The following HYOU1 variants were observed in gnomAD, a reference collection of about 807,000 sequenced individuals.
The protein encoded by HYOU1 is hypoxia up-regulated 1.
Under a neutral mutation model 120.5 loss-of-function variants are expected in HYOU1, and 40 were observed. That is an observed-to-expected ratio of 0.33 (90% CI 0.26 to 0.43). The LOEUF (loss-of-function observed/expected upper bound fraction) is 0.43. Among genes scored for constraint, HYOU1 ranks in the 20% least tolerant of loss-of-function variants. The pLI, the probability that HYOU1 is intolerant of heterozygous loss-of-function variation, is 1.00. For missense variants in HYOU1, 1,085 were observed against 1,278.3 expected, an observed-to-expected ratio of 0.85 and a Z score of 2.31; for synonymous variants, 501 against 479.4, an observed-to-expected ratio of 1.05 and a Z score of -0.59.
rs1944183789 is a variant in HYOU1 at position 119,047,958 on chromosome 11, G to C, written c.2499C>G (p.Ser833Arg). 6.2e-7 allele frequency: 1 copy of C among 1,614,202 alleles called. No individual in the cohort carries two copies. Among genetic ancestry groups the C allele is most frequent in the East Asian group, 2.2e-5 (1 of 44,884 alleles). Residue 833 changes from serine to arginine, a missense_variant, in exon 21 of 26, where the codon AGC becomes AGG. Around this residue, in one of 4 missense-constraint regions of HYOU1, gnomAD observed 516 missense variants for 517.1 expected, o/e 1.00. Coordinates refer to ENST00000617285, the MANE Select transcript of HYOU1 (RefSeq NM_006389.5). ...SALDNLLNHS[S>R]MFLKGARLIP... ...CAGGGGCTGCTCACTTGAGGAACATGCTGGAATGGTTGAGGAGATTATCGA... is the reference window on the plus strand; with the variant it reads ...CAGGGGCTGCTCACTTGAGGAACATCCTGGAATGGTTGAGGAGATTATCGA...
At chr11:119,050,637 T>C (rs146509781) in intron 14 of HYOU1, among the ~76,000 whole-genome samples, 2,219 of 143,402 alleles carry the variant, frequency 0.015, 56 homozygotes, top group African/African-American at 0.053. Flanking sequence ...GGGAGGATCA[T>C]TTAAGCCCAA....
chr11:119,045,172 C>T lies in HYOU1; in HGVS notation c.*421G>A, dbSNP rs782620376. On this transcript the variant is annotated 3_prime_UTR_variant, in exon 26 of 26. Coordinates refer to ENST00000617285, the MANE Select transcript of HYOU1 (RefSeq NM_006389.5). ...GACACTGGCCTGAAAGGATGCTCATCGCATGGTGGGAGAGGAAGGGAGGGA... is the reference window on the plus strand; with the variant it reads ...GACACTGGCCTGAAAGGATGCTCATTGCATGGTGGGAGAGGAAGGGAGGGA... 15 of 458,448 alleles carry T rather than the reference C, an allele frequency of 3.3e-5. No individual in the cohort carries two copies. Among genetic ancestry groups the T allele is most frequent in the Admixed American group, 1.9e-4 (8 of 42,674 alleles). 28.4% of individuals were successfully genotyped at this position (458,448 alleles called of 1,614,324 possible). A position where few individuals can be genotyped will look rare whatever the true frequency, so the allele number is the denominator to read the frequency against.
chr11:119,045,354 G>A lies in HYOU1; in HGVS notation c.*239C>T, dbSNP rs1480126125. 9 of 669,154 alleles carry A rather than the reference G, an allele frequency of 1.3e-5. No individual in the cohort carries two copies. Among genetic ancestry groups the A allele is most frequent in the Non-Finnish European group, 1.9e-5 (7 of 365,420 alleles). 41.5% of individuals were successfully genotyped at this position (669,154 alleles called of 1,614,324 possible). A position where few individuals can be genotyped will look rare whatever the true frequency, so the allele number is the denominator to read the frequency against. On this transcript the variant is annotated 3_prime_UTR_variant, in exon 26 of 26. Coordinates refer to ENST00000617285, the MANE Select transcript of HYOU1 (RefSeq NM_006389.5). ...TTTCCCAAATTTAGGGCCTATATGG[G>A]TAGGGAACAGGGAGTGGGGCTGGGG... is the stretch of plus-strand genomic sequence containing the variant.
intron 8 of HYOU1, 60 bp downstream of exon 8, chr11:119,054,058 CAAG>C: frequency 9.6e-7 from 1 of 1,038,388 alleles, no homozygotes; most frequent in South Asian, 1.3e-5. Flanking sequence ...GTGTCTCCTC[CAAG>C]AAGAAACCCC....
At chr11:119,047,626 A>G (rs1944161759) in intron 22 of HYOU1, 108 bp downstream of exon 22, 1 of 892,978 alleles carries the variant, frequency 1.1e-6, no homozygotes, top group Admixed American at 1.8e-5. Context: ...TCTTCAGGTT[A>G]GATGCTAAGC....
rs1489071796 is a variant in HYOU1 at position 119,049,109 on chromosome 11, G to A, written c.1901C>T (p.Ser634Phe). 3 of 1,613,944 alleles carry A rather than the reference G, an allele frequency of 1.9e-6. No individual in the cohort carries two copies. Among genetic ancestry groups the A allele is most frequent in the African/African-American group, 1.3e-5 (1 of 74,908 alleles). Reference sequence around the variant, plus strand: ...CTTAGGTTCAGGGGGTGGGGGCTGAGAGCCATCCTCCACTGGGGCCTCAGC... The same window carrying A: ...CTTAGGTTCAGGGGGTGGGGGCTGAAAGCCATCCTCCACTGGGGCCTCAGC... ...EEAEAPVEDG[S>F]QPPPPEPKGD... Residue 634 changes from serine (S) to phenylalanine (F), a missense_variant, in exon 17 of 26, where the codon TCT becomes TTT. This residue lies in a region of HYOU1 where 516 missense variants were observed against 517.1 expected (regional missense o/e 1.00). Coordinates refer to ENST00000617285, the MANE Select transcript of HYOU1 (RefSeq NM_006389.5).
At position 119,052,320 on chromosome 11, in the gene HYOU1, G is replaced by A. The variant is rs904478784; in HGVS notation, c.1097C>T (p.Ala366Val). The change falls in exon 10 of 26, where the codon GCC becomes GTC. Residue 366 changes from alanine to valine, a missense_variant. Physicochemically the swap from Ala to Val is moderately conservative, Grantham distance 64. Coordinates refer to ENST00000617285, the MANE Select transcript of HYOU1 (RefSeq NM_006389.5). This position sits in a 1 kb window ranked among gnomAD's most constrained non-coding sequence, Gnocchi z 5.0. ...CAGACTCATTTCGGCACTCTGGAGG[G>A]CCTGCTGTACAGGCCCAGGCACCCG... ...FERVPGPVQQALQSAEMSLDE... is the reference protein window; with the variant it reads ...FERVPGPVQQVLQSAEMSLDE... 2 of 1,614,078 alleles carry A rather than the reference G, an allele frequency of 1.2e-6. No homozygotes were observed. Among genetic ancestry groups the A allele is most frequent in the Non-Finnish European group, 1.7e-6 (2 of 1,180,046 alleles).
chr11:119,052,275 GC>G lies in HYOU1; in HGVS notation c.1122+19del. On this transcript the variant is annotated intron_variant, in intron 10 of 25. Transcript: ENST00000617285. This position sits in a 1 kb window ranked among gnomAD's most constrained non-coding sequence, Gnocchi z 5.0. ...ATGCCCTTTCCTACGGGGCATTCCCGCCTTCCCCTACTCGCTCACCAGACTC... is the reference window on the plus strand; with the variant it reads ...ATGCCCTTTCCTACGGGGCATTCCCGCTTCCCCTACTCGCTCACCAGACTC... The G allele has an allele frequency of 6.2e-7, 1 of 1,614,072 alleles. No individual in the cohort carries two copies. Among genetic ancestry groups the G allele is most frequent in the Non-Finnish European group, 8.5e-7 (1 of 1,179,988 alleles).
At chr11:119,056,450 T>C (rs1944771755) in intron 1 of HYOU1, 1 of 512,186 alleles carries the variant, frequency 2.0e-6, no homozygotes, top group Non-Finnish European at 3.8e-6. Context: ...GACCCGAGCC[T>C]TTTGTCCACC....
In HYOU1 at chr11:119,056,126, C is replaced by T; in HGVS notation, c.35G>A (p.Arg12Lys). 1 of 1,614,110 alleles carries T rather than the reference C, an allele frequency of 6.2e-7. No homozygotes were observed. The highest frequency in any genetic ancestry group is 1.1e-5 in the South Asian group (1 of 91,080). ...AGCCACCAAGGCCCAACAGACTCGC[C>T]TCCTCGGCCTCTGCCTCCTAACTTT... ...ADKVRRQRPR[R>K]RVCWALVAVL... is the part of the protein sequence containing the mutation. Residue 12 changes from arginine to lysine, a missense_variant, in exon 2 of 26, where the codon AGG (arginine) becomes AAG (lysine). Arg to Lys is a conservative substitution (Grantham distance 26). This residue lies in a region of HYOU1 where 45 missense variants were observed against 49.2 expected (regional missense o/e 0.91). Transcript: ENST00000617285.
intron 8 of HYOU1, chr11:119,053,646 A>T (rs1944581208): frequency 6.5e-6 from 1 of 153,176 alleles, no homozygotes; most frequent in East Asian, 1.9e-4. Flanking sequence ...TTAATTCTGC[A>T]AATAAGAGGT....
rs953296689 is a variant in HYOU1 at position 119,045,650 on chromosome 11, A to G, written c.2943T>C (p.Pro981=). The G allele has an allele frequency of 1.9e-6, 3 of 1,614,036 alleles. No homozygotes were observed. Among genetic ancestry groups the G allele is most frequent in the African/African-American group, 2.7e-5 (2 of 74,904 alleles). Reference sequence around the variant, plus strand: ...GTCCTGTCGATTGTTCTTTCTGTTCAGGTTCTGTTGGGAGTTTGGGGGAGC... The same window carrying G: ...GTCCTGTCGATTGTTCTTTCTGTTCGGGTTCTGTTGGGAGTTTGGGGGAGC... ...PLELGGPGAE[P]EQKEQSTGQK... Residue 981 remains proline, a synonymous_variant, in exon 26 of 26, where the codon CCT becomes CCC. Coordinates refer to ENST00000617285, the MANE Select transcript of HYOU1 (RefSeq NM_006389.5).
chr11:119,047,877 G>C, intron 21 of HYOU1, 59 bp from the exon 22 acceptor site: 1 of 1,613,160 alleles, frequency 6.2e-7, no homozygotes, highest in East Asian at 2.2e-5. Context: ...AGTGTGGGGA[G>C]TGGGAAGCTG....
In HYOU1 at chr11:119,055,716, C is replaced by G; in HGVS notation, c.185+34G>C. On this transcript the variant is annotated intron_variant, in intron 3 of 25. Transcript: ENST00000617285. This position sits in a 1 kb window ranked among gnomAD's most constrained non-coding sequence, Gnocchi z 4.0. ...TTCACACTTGGAGCCCAGACTCCCT[C>G]GTTCCCCACCCTTAACACGGGGGCC... 1 of 1,582,656 alleles carries G rather than the reference C, an allele frequency of 6.3e-7. No homozygotes were observed.
chr11:119,056,249 C>T, intron 1 of HYOU1, 82 bp from the exon 2 acceptor site: 2 of 965,506 alleles, frequency 2.1e-6, no homozygotes, highest in Non-Finnish European at 3.2e-6. Flanking sequence ...AACGGAGAGG[C>T]TGTAAGATTC....
At chr11:119,049,322 C>T (rs2133572076) in intron 16 of HYOU1, 119 bp from the exon 17 acceptor site, 3 of 1,559,656 alleles carry the variant, frequency 1.9e-6, no homozygotes, top group Non-Finnish European at 2.6e-6. Flanking sequence ...TGGAAACGGT[C>T]AATGGCCTGC....
intron 24 of HYOU1, 118 bp downstream of exon 24, chr11:119,046,299 A>G: frequency 2.4e-6 from 2 of 839,872 alleles, no homozygotes; most frequent in South Asian, 3.4e-5. Flanking sequence ...ACAACCCTTT[A>G]AAAACGCAAA....
In HYOU1 at chr11:119,054,684, G is replaced by A. The variant is rs2133607223; in HGVS notation, c.497-9C>T. 6.2e-7 allele frequency: 1 copy of A among 1,608,604 alleles called. No individual in the cohort carries two copies. The highest frequency in any genetic ancestry group is 1.1e-5 in the South Asian group (1 of 91,018). ...ATCCTTGATGGGCTGCTCTACAGAT[G>A]ACAACAGAAAAGGGTCCCGCCGGCT... On this transcript the variant is annotated splice_polypyrimidine_tract_variant and intron_variant, in intron 6 of 25. Coordinates refer to ENST00000617285, the MANE Select transcript of HYOU1 (RefSeq NM_006389.5).
At position 119,046,709 on chromosome 11, in the gene HYOU1, C is replaced by T. The variant is rs1944099749; in HGVS notation, c.2689G>A (p.Ala897Thr). The T allele has an allele frequency of 5.6e-6, 9 of 1,612,792 alleles. No individual in the cohort carries two copies. Among genetic ancestry groups the T allele is most frequent in the Non-Finnish European group, 6.8e-6 (8 of 1,180,044 alleles). ...LSKDIEAKMM[A>T]LDREVQYLLN... ...AGATACTGCACCTCTCGGTCCAGGG[C>T]CATCATCTTAGCTTCAATGTCTTTT... The change falls in exon 23 of 26, where the codon GCC (alanine) becomes ACC (threonine). Residue 897 changes from alanine to threonine, a missense_variant. Physicochemically the swap from Ala to Thr is moderately conservative, Grantham distance 58. This residue lies in a region of HYOU1 where 516 missense variants were observed against 517.1 expected (regional missense o/e 1.00). Coordinates refer to ENST00000617285, the MANE Select transcript of HYOU1 (RefSeq NM_006389.5).
Sources: allele counts gnomAD v4.1 joint callset (sites outside exome capture counted in the v4.1 genomes callset), GRCh38; gene constraint gnomAD v4.1.1; regional missense constraint gnomAD v4.1.1; non-coding constraint Gnocchi (gnomAD v3.1); transcripts MANE v1.5; gene names NCBI Gene and HGNC (gene_info 2026-07-23, HGNC 2026-07-21).